Variants in MYCBP2 observed in about 807,000 individuals in gnomAD.
MYCBP2 encodes the protein E3 ubiquitin-protein ligase MYCBP2.
In MYCBP2, 120 loss-of-function variants were observed where a neutral mutation model predicts 525.3. The ratio of observed to expected loss-of-function variants is 0.23; its 90% CI spans 0.20 to 0.27. The LOEUF is 0.27. Among genes scored for constraint, MYCBP2 ranks in the 10% least tolerant of loss-of-function variants. The probability of loss-of-function intolerance (pLI) is 1.00; values close to 1 mark genes in which losing one functional copy is unlikely to be tolerated. For synonymous variants in MYCBP2, 1,894 were observed against 1,955.8 expected (o/e 0.97, Z 0.83); for missense variants, 4,149 against 5,657.1 (o/e 0.73, Z 8.55).
At chr13:77,237,422 G>C (rs1250958834) in intron 17 of MYCBP2, among the ~76,000 whole-genome samples, 1 of 151,934 alleles carries the variant, frequency 6.6e-6, no homozygotes, top group Non-Finnish European at 1.5e-5. Context: ...TTGAGGGGGG[G>C]ATGGAAATGG....
chr13:77,067,921 CTTTTA>C (rs2040469813), intron 70 of MYCBP2, 57 bp from the exon 71 acceptor site: 1 of 1,493,880 alleles, frequency 6.7e-7, no homozygotes, highest in African/African-American at 1.4e-5. Flanking sequence ...TTTAAGGTTT[CTTTTA>C]TTTCTCTTTT....
chr13:77,195,783 G>A (rs1243049653), intron 26 of MYCBP2, among the ~76,000 whole-genome samples: 2 of 152,016 alleles, frequency 1.3e-5, no homozygotes, highest in African/African-American at 4.8e-5. Context: ...GAGGATTTTT[G>A]TATTTGTTTC....
chr13:77,236,397 T>C (rs2067935745), intron 17 of MYCBP2, among the ~76,000 whole-genome samples: 1 of 152,082 alleles, frequency 6.6e-6, no homozygotes, highest in African/African-American at 2.4e-5. Context: ...TGTTAAATAG[T>C]ACAAGCCTTT....
intron 29 of MYCBP2, among the ~76,000 whole-genome samples, chr13:77,190,035 AT>A (rs1209289013): frequency 1.3e-5 from 2 of 152,186 alleles, no homozygotes; most frequent in African/African-American, 4.8e-5. Context: ...AATCTGAGTA[AT>A]CAGGCAAAGT....
chr13:77,321,696 G>A (rs543631081), intron 1 of MYCBP2, among the ~76,000 whole-genome samples: 2 of 152,320 alleles, frequency 1.3e-5, no homozygotes, highest in African/African-American at 4.8e-5. Flanking sequence ...TTTTAAGCCA[G>A]CCTAGAATGC....
intron 49 of MYCBP2, 104 bp from the exon 50 acceptor site, chr13:77,141,047 C>T: frequency 3.9e-6 from 3 of 770,464 alleles, no homozygotes; most frequent in Non-Finnish European, 6.3e-6. Flanking sequence ...AAAATTAACA[C>T]AAATATCTGA....
At chr13:77,072,543 G>T (rs1024526412) in intron 68 of MYCBP2, among the ~76,000 whole-genome samples, 2 of 151,940 alleles carry the variant, frequency 1.3e-5, no homozygotes, top group South Asian at 2.1e-4. Flanking sequence ...CATAGGGAAA[G>T]AAATAAAGTT....
chr13:77,141,067 T>A, intron 49 of MYCBP2, 124 bp from the exon 50 acceptor site: 1 of 671,842 alleles, frequency 1.5e-6, no homozygotes, highest in Non-Finnish European at 2.5e-6. Context: ...ATTTCTGTCC[T>A]TTTAAGGTGA....
At chr13:77,271,797 G>A (rs1054322849) in intron 5 of MYCBP2, among the ~76,000 whole-genome samples, 8 of 152,128 alleles carry the variant, frequency 5.3e-5, no homozygotes, top group African/African-American at 1.2e-4. Flanking sequence ...GCCCAGTCTC[G>A]GGTACATCTC....
intron 29 of MYCBP2, among the ~76,000 whole-genome samples, chr13:77,190,037 CA>C (rs1448598827): frequency 2.6e-5 from 4 of 152,000 alleles, no homozygotes; most frequent in Non-Finnish European, 5.9e-5. Context: ...TCTGAGTAAT[CA>C]GGCAAAGTTT....
intron 41 of MYCBP2, among the ~76,000 whole-genome samples, chr13:77,165,618 C>A (rs2058442489): frequency 6.6e-6 from 1 of 152,210 alleles, no homozygotes; most frequent in East Asian, 1.9e-4. Flanking sequence ...TGAATTGTTA[C>A]TTTTTTTCAT....
chr13:77,065,895 A>ACACTAATCTACATCTCCTAT (rs2040120696), intron 72 of MYCBP2, 97 bp downstream of exon 72: 3 of 735,710 alleles, frequency 4.1e-6, no homozygotes, highest in Non-Finnish European at 6.7e-6. Context: ...AAGTAAAGTT[A>ACACTAATCTACATCTCCTAT]CACTAATCTA....
chr13:77,263,909 T>G lies in MYCBP2; in HGVS notation c.1431+20A>C, dbSNP rs765721730. 2 of 1,609,374 alleles carry G rather than the reference T, an allele frequency of 1.2e-6. No homozygotes were observed. The highest frequency in any genetic ancestry group is 1.7e-6 in the Non-Finnish European group (2 of 1,177,008). On this transcript the variant is annotated intron_variant, in intron 9 of 82. Transcript: ENST00000544440. ...AAGGAATTCCATTTACACTAGCTAC[T>G]TAAGATTCAGGATACTTACATCTCT...
chr13:77,208,406 A>C (rs1365649171), intron 23 of MYCBP2, among the ~76,000 whole-genome samples: 1 of 152,238 alleles, frequency 6.6e-6, no homozygotes, highest in Non-Finnish European at 1.5e-5. Context: ...CTCTGTGTGT[A>C]GATACCTGTG....
chr13:77,298,269 A>G (rs547861318), intron 1 of MYCBP2, among the ~76,000 whole-genome samples: 77 of 152,262 alleles, frequency 5.1e-4, no homozygotes, highest in African/African-American at 1.8e-3. Flanking sequence ...GCTAACCACT[A>G]CTTATCTTCG....
At chr13:77,071,176 T>A (rs2041155633) in intron 68 of MYCBP2, among the ~76,000 whole-genome samples, 1 of 151,796 alleles carries the variant, frequency 6.6e-6, no homozygotes, top group Non-Finnish European at 1.5e-5. Flanking sequence ...AGGCTAAAAT[T>A]TTATAGAGCT....
Position 77,260,421 on chromosome 13 carries a change from A to T in MYCBP2, c.2017+7T>A. ...TTGCATAAAAGTAAAACTTTTTATT[A>T]ACTTACTTGAACTATCAGAGTAAAT... On this transcript the variant is annotated splice_region_variant and intron_variant, in intron 13 of 82. Transcript: ENST00000544440. The T allele has an allele frequency of 6.5e-7, 1 of 1,543,120 alleles. No individual in the cohort carries two copies. The highest frequency in any genetic ancestry group is 2.4e-5 in the East Asian group (1 of 41,768).
At chr13:77,111,034 C>A (rs983289241) in intron 55 of MYCBP2, among the ~76,000 whole-genome samples, 1 of 151,984 alleles carries the variant, frequency 6.6e-6, no homozygotes, top group Non-Finnish European at 1.5e-5. Flanking sequence ...AAAAAATGAA[C>A]GTTTTGTTCA....
At chr13:77,302,158 A>G (rs2078875786) in intron 1 of MYCBP2, among the ~76,000 whole-genome samples, 1 of 152,148 alleles carries the variant, frequency 6.6e-6, no homozygotes, top group Non-Finnish European at 1.5e-5. Flanking sequence ...AATTACTGAC[A>G]ATTTCCCAAA....
Sources: allele counts gnomAD v4.1 joint callset (sites outside exome capture counted in the v4.1 genomes callset), GRCh38; gene constraint gnomAD v4.1.1; transcripts MANE v1.5; gene names NCBI Gene and HGNC (gene_info 2026-07-23, HGNC 2026-07-21).